DNAH7: variants seen among roughly 807,000 people sequenced by gnomAD.
DNAH7 encodes the protein dynein axonemal heavy chain 7.
In DNAH7, 397 loss-of-function variants were observed where a neutral mutation model predicts 444.6. The ratio of observed to expected loss-of-function variants is 0.89; its 90% CI spans 0.82 to 0.97. The LOEUF is 0.97. DNAH7 is among the 50% of genes least tolerant of loss of function. DNAH7 has a pLI of 0.00. For missense variants in DNAH7, 4,902 were observed against 4,800.8 expected, an observed-to-expected ratio of 1.02 and a Z score of -0.62; for synonymous variants, 1,636 against 1,624.4, an observed-to-expected ratio of 1.01 and a Z score of -0.17.
chr2:195,942,236 A>G (rs1689499497), intron 19 of DNAH7, among the ~76,000 whole-genome samples: 1 of 152,154 alleles, frequency 6.6e-6, no homozygotes, highest in African/African-American at 2.4e-5. Flanking sequence ...GAGAAAATAT[A>G]TCAAGAAAGC....
At chr2:195,917,768 C>A (rs1399186598) in intron 24 of DNAH7, among the ~76,000 whole-genome samples, 1 of 152,170 alleles carries the variant, frequency 6.6e-6, no homozygotes, top group Non-Finnish European at 1.5e-5. Flanking sequence ...GATCCTCCTG[C>A]CTCAGCCTTC....
intron 61 of DNAH7, among the ~76,000 whole-genome samples, chr2:195,768,832 G>C (rs552271170): frequency 1.3e-5 from 2 of 152,074 alleles, no homozygotes. Flanking sequence ...GGTTCAACAT[G>C]TTCGTTTGCT....
At chr2:195,995,166 G>A (rs1261349236) in intron 12 of DNAH7, 1 of 317,588 alleles carries the variant, frequency 3.1e-6, no homozygotes, top group East Asian at 8.4e-5. Flanking sequence ...TTGACCTCGT[G>A]ACCTGCCCAC....
At position 195,873,629 on chromosome 2, in the gene DNAH7, A is replaced by G; in HGVS notation, c.6352T>C (p.Phe2118Leu). 1.3e-6 allele frequency: 2 copies of G among 1,525,440 alleles called. No homozygotes were observed. Among genetic ancestry groups the G allele is most frequent in the Non-Finnish European group, 1.8e-6 (2 of 1,137,532 alleles). The allele number at this position is 1,525,440 out of a possible 1,614,324, so 94.5% of individuals were successfully genotyped here. A position where few individuals can be genotyped will look rare whatever the true frequency, so the allele number is the denominator to read the frequency against. Reference sequence around the variant, plus strand: ...ATTGTATACATGGATTTATCACTAAACTCATTGATTGTTATAATATTGAAA... The same window carrying G: ...ATTGTATACATGGATTTATCACTAAGCTCATTGATTGTTATAATATTGAAA... ...RHFNIITINE[F>L]SDKSMYTIFS... The change falls in exon 39 of 65, where the codon TTT becomes CTT. Residue 2118 changes from phenylalanine to leucine, a missense_variant. By Grantham distance (22) the Phe-to-Leu change is conservative. Transcript: ENST00000312428.
chr2:195,800,902 T>C (rs914567854), intron 54 of DNAH7, among the ~76,000 whole-genome samples: 12 of 152,214 alleles, frequency 7.9e-5, no homozygotes, highest in African/African-American at 2.9e-4. Flanking sequence ...CATGTTTCAA[T>C]TTTCTCCTTT....
At chr2:195,917,064 G>A (rs941940089) in intron 24 of DNAH7, among the ~76,000 whole-genome samples, 29 of 145,176 alleles carry the variant, frequency 2.0e-4, no homozygotes, top group Non-Finnish European at 2.8e-4. Context: ...ATTGTGCCAC[G>A]GCACTCCAGC....
intron 63 of DNAH7, among the ~76,000 whole-genome samples, chr2:195,745,119 C>A (rs535062504): frequency 3.9e-5 from 6 of 152,062 alleles, no homozygotes; most frequent in Non-Finnish European, 8.8e-5. Flanking sequence ...AAAATTTAGA[C>A]GAATGTGTAA....
intron 15 of DNAH7, among the ~76,000 whole-genome samples, chr2:195,974,801 C>T (rs193237818): frequency 1.3e-5 from 2 of 149,470 alleles, no homozygotes; most frequent in Non-Finnish European, 3.0e-5. Context: ...CACACAGTCA[C>T]ATATGAAGGA....
Position 196,051,276 on chromosome 2 carries a change from A to G in DNAH7, c.79-27T>C, listed in dbSNP as rs1469343599. 5 of 1,593,522 alleles carry G rather than the reference A, an allele frequency of 3.1e-6. No homozygotes were observed. The Admixed American group carries it at 8.3e-5, about 27-fold the overall frequency. On this transcript the variant is annotated intron_variant, in intron 2 of 64. Transcript: ENST00000312428. Reference sequence around the variant, plus strand: ...TGTGTGAAAAATATGAAGGGGAAAAAAGTGTTTACTCTGTTAGTGCTAAAA... The same window carrying G: ...TGTGTGAAAAATATGAAGGGGAAAAGAGTGTTTACTCTGTTAGTGCTAAAA...
chr2:195,834,067 C>G, intron 48 of DNAH7, 139 bp downstream of exon 48: 1 of 809,828 alleles, frequency 1.2e-6, no homozygotes, highest in Non-Finnish European at 1.8e-6. Flanking sequence ...ATTAGCCAAG[C>G]GTGGGGGCAT....
chr2:195,849,971 G>T (rs1486721757), intron 46 of DNAH7, among the ~76,000 whole-genome samples: 3 of 152,174 alleles, frequency 2.0e-5, no homozygotes, highest in Non-Finnish European at 4.4e-5. Context: ...GGAGAGGTCT[G>T]CAAGCTTTCT....
intron 19 of DNAH7, among the ~76,000 whole-genome samples, chr2:195,955,123 G>T (rs1486036199): frequency 6.6e-6 from 1 of 152,154 alleles, no homozygotes; most frequent in Non-Finnish European, 1.5e-5. Flanking sequence ...GAATGGTATT[G>T]CCTAGGTTTT....
At chr2:195,870,103 G>T (rs772298180) in intron 40 of DNAH7, among the ~76,000 whole-genome samples, 2 of 152,086 alleles carry the variant, frequency 1.3e-5, no homozygotes, top group African/African-American at 2.4e-5. Context: ...TGTGTAGCAA[G>T]CCTGCCTGCC....
intron 12 of DNAH7, among the ~76,000 whole-genome samples, chr2:195,997,478 G>A (rs973618022): frequency 3.7e-4 from 56 of 152,140 alleles, no homozygotes; most frequent in Admixed American, 3.2e-3. Flanking sequence ...TCACATCACC[G>A]CACTCCAGCC....
At chr2:195,796,267 G>C (rs531091792) in intron 56 of DNAH7, among the ~76,000 whole-genome samples, 3 of 152,286 alleles carry the variant, frequency 2.0e-5, no homozygotes, top group South Asian at 4.1e-4. Flanking sequence ...GTTATAAAAA[G>C]TAAGTTGATG....
intron 27 of DNAH7, chr2:195,905,431 G>GC (rs1333139432): frequency 6.6e-6 from 1 of 152,048 alleles, no homozygotes; most frequent in African/African-American, 2.4e-5. Context: ...CATATAAAGG[G>GC]GCATGAAATG....
intron 47 of DNAH7, among the ~76,000 whole-genome samples, chr2:195,844,325 A>T (rs904596568): frequency 6.6e-6 from 1 of 152,146 alleles, no homozygotes; most frequent in Non-Finnish European, 1.5e-5. Context: ...TATCGTTAAC[A>T]TGCTAAAACT....
chr2:196,057,140 G>A (rs954640181), intron 2 of DNAH7, among the ~76,000 whole-genome samples: 1 of 152,084 alleles, frequency 6.6e-6, no homozygotes, highest in Non-Finnish European at 1.5e-5. Context: ...TTAAATAAAT[G>A]AATGTTTTTA....
Position 195,808,766 on chromosome 2 carries a change from T to C in DNAH7, c.9999A>G (p.Arg3333=), listed in dbSNP as rs762836800. The C allele has an allele frequency of 1.9e-6, 3 of 1,614,046 alleles. No individual in the cohort carries two copies. The highest frequency in any genetic ancestry group is 2.2e-5 in the East Asian group (1 of 44,864). ...TTTTGAAGGCAGGCAAATCATCTAA[T>C]CGACATATTTCATCCCAGGATTTCT... The part of the protein sequence containing the change: ...LPQKSWDEIC[R]LDDLPAFKTI... The change falls in exon 53 of 65, where the codon CGA becomes CGG. Residue 3333 remains arginine, a synonymous_variant. Transcript: ENST00000312428.
Sources: gnomAD v4.1 joint callset for allele counts (sites outside exome capture counted in the v4.1 genomes callset) on GRCh38, gnomAD v4.1.1 for gene constraint, MANE v1.5 for transcripts, NCBI Gene and HGNC (gene_info 2026-07-23, HGNC 2026-07-21) for gene names.